Variants in DCAF8L2 observed in about 807,000 individuals in gnomAD.
DCAF8L2 encodes the protein DDB1 and CUL4 associated factor 8 like 2.
For missense variants in DCAF8L2, 430 were observed against 490.7 expected (o/e 0.88, Z 1.17); for synonymous variants, 200 against 190.9 (o/e 1.05, Z -0.39).
At chrX:27,587,528 A>G (rs1925925888), upstream of DCAF8L2, among the ~76,000 whole-genome samples, 1 of 111,697 alleles carries the variant, frequency 9.0e-6, no homozygotes, top group African/African-American at 3.2e-5. Flanking sequence ...CGGAATATAC[A>G]TTGAAATGTT....
intron 1 of DCAF8L2, among the ~76,000 whole-genome samples, chrX:27,591,641 CATT>C (rs779645574): frequency 9.0e-6 from 1 of 111,401 alleles, no homozygotes; most frequent in African/African-American, 3.3e-5. Flanking sequence ...TTTATTTTAT[CATT>C]ATAATATCTA....
chrX:27,608,398 A>G (rs1009574659), intron 1 of DCAF8L2, among the ~76,000 whole-genome samples: 2 of 112,215 alleles, frequency 1.8e-5, no homozygotes, highest in African/African-American at 6.5e-5. Context: ...AAAATAAAAT[A>G]AAAGAAGTAA....
At chrX:27,569,048 A>C in the DCAF8L2 span, among the ~76,000 whole-genome samples, 1 of 109,780 alleles carries the variant, frequency 9.1e-6, no homozygotes, top group African/African-American at 3.3e-5. Flanking sequence ...CTAGAAACCA[A>C]TTAATTCATT....
intron 2 of DCAF8L2, among the ~76,000 whole-genome samples, chrX:27,660,023 A>G (rs1929498448): frequency 9.1e-6 from 1 of 109,755 alleles, no homozygotes; most frequent in Non-Finnish European, 1.9e-5. Context: ...TCCCTATGTT[A>G]TTTGTTTGTT....
chrX:27,519,690 AAC>A, the DCAF8L2 span: 2 of 590,246 alleles, frequency 3.4e-6, no homozygotes, highest in East Asian at 6.5e-5. Context: ...GTGTAACAGA[AAC>A]ACAGAAAAAT....
the DCAF8L2 span, among the ~76,000 whole-genome samples, chrX:27,560,951 TG>T: frequency 2.7e-5 from 3 of 112,443 alleles, no homozygotes; most frequent in Non-Finnish European, 5.6e-5. Flanking sequence ...CACTACAGTA[TG>T]GAACTGTTGC....
At chrX:27,668,746 A>T (rs1425533979) in intron 2 of DCAF8L2, among the ~76,000 whole-genome samples, 8 of 111,363 alleles carry the variant, frequency 7.2e-5, no homozygotes, top group Non-Finnish European at 1.1e-4. Context: ...TGAGGTCGGG[A>T]GTTCGAGACC....
chrX:27,485,190 T>C, the DCAF8L2 span, among the ~76,000 whole-genome samples: 1 of 112,116 alleles, frequency 8.9e-6, no homozygotes, highest in Non-Finnish European at 1.9e-5. Flanking sequence ...GGATTAGAAC[T>C]GGAAAAGTAA....
intron 3 of DCAF8L2, among the ~76,000 whole-genome samples, chrX:27,709,931 TC>T (rs886633902): frequency 9.2e-6 from 1 of 108,197 alleles, no homozygotes; most frequent in Non-Finnish European, 1.9e-5. Flanking sequence ...ATCTAATAAA[TC>T]GTTGCAAATA....
intron 4 of DCAF8L2, among the ~76,000 whole-genome samples, chrX:27,725,294 T>C (rs1932033366): frequency 9.0e-6 from 1 of 110,848 alleles, no homozygotes; most frequent in South Asian, 3.7e-4. Context: ...TAATCTCATT[T>C]CCAAGGACAT....
chrX:27,502,317 T>TAA, the DCAF8L2 span, among the ~76,000 whole-genome samples: 160 of 13,986 alleles, frequency 0.011, 15 homozygotes, highest in Non-Finnish European at 0.014. Context: ...TGAAACTCTG[T>TAA]AAAAAAAAAA....
intron 1 of DCAF8L2, among the ~76,000 whole-genome samples, chrX:27,602,161 G>A (rs182520518): frequency 9.0e-6 from 1 of 110,698 alleles, no homozygotes; most frequent in Non-Finnish European, 1.9e-5. Context: ...TCAGCCTCCC[G>A]AGTAGCTGGG....
At chrX:27,683,589 C>T (rs1262993359) in intron 3 of DCAF8L2, among the ~76,000 whole-genome samples, 1 of 112,056 alleles carries the variant, frequency 8.9e-6, no homozygotes, top group Non-Finnish European at 1.9e-5. Flanking sequence ...TTCCCTTTCC[C>T]TTCCAAGCAT....
intron 4 of DCAF8L2, among the ~76,000 whole-genome samples, chrX:27,729,702 G>C (rs1921076217): frequency 9.0e-6 from 1 of 111,448 alleles, no homozygotes. Context: ...CTTTTAAAAG[G>C]GCACTAGTCC....
chrX:27,568,946 AACACACACACACACAC>A, the DCAF8L2 span, among the ~76,000 whole-genome samples: 20 of 86,561 alleles, frequency 2.3e-4, no homozygotes, highest in East Asian at 2.2e-3. Context: ...TTGGAACTCA[AACACACACACACACAC>A]ACACACACAC....
the DCAF8L2 span, chrX:27,519,634 G>T: frequency 1.6e-6 from 1 of 625,231 alleles, no homozygotes; most frequent in Non-Finnish European, 2.8e-6. Context: ...GGCTAGTGCT[G>T]AATTATCAAA....
At chrX:27,581,623 G>A in the DCAF8L2 span, among the ~76,000 whole-genome samples, 8 of 100,488 alleles carry the variant, frequency 8.0e-5, no homozygotes, top group Non-Finnish European at 4.0e-5. Context: ...GGTCTTTGTC[G>A]CCCAGGCTGG....
intron 3 of DCAF8L2, among the ~76,000 whole-genome samples, chrX:27,689,126 AAG>A (rs1930615853): frequency 2.7e-5 from 3 of 112,558 alleles, no homozygotes; most frequent in Admixed American, 1.9e-4. Context: ...CAAAATTTGA[AAG>A]CACATGTACC....
At chrX:27,578,218 G>A in the DCAF8L2 span, among the ~76,000 whole-genome samples, 1 of 111,256 alleles carries the variant, frequency 9.0e-6, no homozygotes, top group Admixed American at 9.6e-5. Flanking sequence ...CAGGTACATA[G>A]GCTAATTGAA....
Sources: allele counts gnomAD v4.1 joint callset (sites outside exome capture counted in the v4.1 genomes callset), GRCh38; gene constraint gnomAD v4.1.1; transcripts MANE v1.5; gene names NCBI Gene and HGNC (gene_info 2026-07-23, HGNC 2026-07-21).